Variants in LRMDA observed in about 807,000 individuals in gnomAD.
LRMDA encodes leucine rich melanocyte differentiation associated, also known as leucine-rich melanocyte differentiation-associated protein.
In LRMDA, 18 loss-of-function variants were observed where a neutral mutation model predicts 29.8. The observed-to-expected ratio is 0.60, with a 90% confidence interval of 0.42 to 0.90. LRMDA has a LOEUF of 0.90. Among genes scored for constraint, LRMDA ranks in the 40% least tolerant of loss-of-function variants. The probability of loss-of-function intolerance (pLI) is 0.00; values close to 1 mark genes in which losing one functional copy is unlikely to be tolerated. For missense variants in LRMDA, 273 were observed against 273.9 expected (o/e 1.00, Z 0.02); for synonymous variants, 125 against 109.4 (o/e 1.14, Z -0.89).
intron 2 of LRMDA, among the ~76,000 whole-genome samples, chr10:75,946,581 TG>T (rs1846480150): frequency 1.3e-5 from 2 of 152,186 alleles, no homozygotes; most frequent in Admixed American, 6.5e-5. Flanking sequence ...AGGAGTATGG[TG>T]GGGAAAATAT....
At chr10:75,526,032 T>C (rs1267321785) in intron 2 of LRMDA, among the ~76,000 whole-genome samples, 1 of 151,496 alleles carries the variant, frequency 6.6e-6, no homozygotes, top group Non-Finnish European at 1.5e-5. Context: ...TTGTTGACTT[T>C]ATATATTATT....
rs1192417224 is a variant in LRMDA at position 76,363,116 on chromosome 10, G to GGAAAGAAAGAAAGAAAGAAAGAAAGAAA, written c.601+38665_601+38692dup. Among the ~76,000 whole-genome samples, 12 of 51,520 alleles carry GGAAAGAAAGAAAGAAAGAAAGAAAGAAA rather than the reference G, an allele frequency of 2.3e-4. 1 individual carries two copies. Among genetic ancestry groups the GGAAAGAAAGAAAGAAAGAAAGAAAGAAA allele is most frequent in the African/African-American group, 6.9e-4 (11 of 15,860 alleles). The allele number at this position is 51,520 out of a possible 152,430, so 33.8% of individuals were successfully genotyped here. ...CTAGAGGTTTCAGCCTGTGGAGTAA[G>GGAAAGAAAGAAAGAAAGAAAGAAAGAAA]GAAAGAAAGAAAGAAAGAAAGAAAG... On this transcript the variant is annotated intron_variant, in intron 6 of 6. Coordinates refer to ENST00000611255, the MANE Select transcript of LRMDA (RefSeq NM_001305581.2).
intron 4 of LRMDA, among the ~76,000 whole-genome samples, chr10:76,054,702 A>T (rs376608566): frequency 1.3e-5 from 2 of 151,352 alleles, no homozygotes; most frequent in Non-Finnish European, 2.9e-5. Context: ...TATTTGAAAG[A>T]GTCTGTTGTC....
chr10:75,947,407 C>T (rs958543976), intron 2 of LRMDA, among the ~76,000 whole-genome samples: 10 of 152,176 alleles, frequency 6.6e-5, no homozygotes, highest in Admixed American at 5.9e-4. Context: ...AGTTCGCAAG[C>T]CTCACTTCAG....
chr10:75,514,266 C>G (rs1310749017), intron 2 of LRMDA, among the ~76,000 whole-genome samples: 1 of 151,254 alleles, frequency 6.6e-6, no homozygotes, highest in Non-Finnish European at 1.5e-5. Context: ...TCTCCTCATC[C>G]CCCTCCTCCT....
intron 6 of LRMDA, among the ~76,000 whole-genome samples, chr10:76,551,989 C>T (rs1383054660): frequency 6.6e-6 from 1 of 152,144 alleles, no homozygotes; most frequent in Admixed American, 6.5e-5. Context: ...ATTATAAACT[C>T]CTAGTATCAC....
intron 2 of LRMDA, among the ~76,000 whole-genome samples, chr10:75,695,247 G>T (rs1842219686): frequency 1.3e-5 from 2 of 151,960 alleles, no homozygotes; most frequent in African/African-American, 4.8e-5. Context: ...TTTTTTAAAG[G>T]ATAACATCTA....
At chr10:75,563,203 A>G (rs1840322840) in intron 2 of LRMDA, among the ~76,000 whole-genome samples, 2 of 152,030 alleles carry the variant, frequency 1.3e-5, no homozygotes, top group African/African-American at 2.4e-5. Flanking sequence ...ACATAGTCCC[A>G]TATTTCTTGG....
intron 6 of LRMDA, among the ~76,000 whole-genome samples, chr10:76,533,692 G>T (rs114904378): frequency 3.3e-5 from 5 of 152,236 alleles, no homozygotes; most frequent in African/African-American, 7.2e-5. Context: ...CAGCTATAAT[G>T]GTTCTGCAGC....
intron 5 of LRMDA, among the ~76,000 whole-genome samples, chr10:76,272,602 A>G (rs1007882122): frequency 1.3e-5 from 2 of 152,182 alleles, no homozygotes; most frequent in African/African-American, 4.8e-5. Context: ...CAGTCAAGGA[A>G]CCCTTTGTCA....
At chr10:75,636,982 C>T (rs1451968641) in intron 2 of LRMDA, among the ~76,000 whole-genome samples, 1 of 152,200 alleles carries the variant, frequency 6.6e-6, no homozygotes, top group Non-Finnish European at 1.5e-5. Flanking sequence ...TGAACACTTA[C>T]AGTATGCCAC....
chr10:76,360,537 A>G (rs1180209500), intron 6 of LRMDA, among the ~76,000 whole-genome samples: 2 of 152,216 alleles, frequency 1.3e-5, no homozygotes, highest in Non-Finnish European at 2.9e-5. Context: ...AAGGCAAAGC[A>G]CAGAAGTCAT....
At chr10:75,751,535 G>A (rs554514048) in intron 2 of LRMDA, among the ~76,000 whole-genome samples, 13 of 152,196 alleles carry the variant, frequency 8.5e-5, no homozygotes, top group Middle Eastern at 3.4e-3. Flanking sequence ...TTTGTCATCC[G>A]TAAAATGAGA....
intron 6 of LRMDA, among the ~76,000 whole-genome samples, chr10:76,348,576 A>T (rs1841137330): frequency 6.6e-6 from 1 of 152,226 alleles, no homozygotes; most frequent in South Asian, 2.1e-4. Context: ...TCTTTCCCCT[A>T]GTCCTTTCCA....
rs578258829 is a variant in LRMDA, at chr10:75,713,490, CAG to C, written c.131+274997_131+274998del. Among the ~76,000 whole-genome samples the C allele has an allele frequency of 1.5e-3, 233 of 152,212 alleles. 2 individuals are homozygous for C. The highest frequency in any genetic ancestry group is 5.5e-3 in the African/African-American group (227 of 41,532). On this transcript the variant is annotated intron_variant, in intron 2 of 6. Coordinates refer to ENST00000611255, the MANE Select transcript of LRMDA (RefSeq NM_001305581.2). ...GGTAAAGAATGCAATTTCCTGAGAC[CAG>C]TTGATTCAAAGGTCTTGAATAAGAA...
At chr10:76,536,124 T>C (rs1292251701) in intron 6 of LRMDA, 1 of 152,148 alleles carries the variant, frequency 6.6e-6, no homozygotes, top group Non-Finnish European at 1.5e-5. Context: ...ACAGACACCA[T>C]CACACTTCAT....
intron 3 of LRMDA, among the ~76,000 whole-genome samples, 193 bp from the exon 4 acceptor site, chr10:76,046,971 C>T (rs113705400): frequency 5.9e-5 from 9 of 152,264 alleles, no homozygotes; most frequent in Non-Finnish European, 8.8e-5. Context: ...ACCTGCCTAG[C>T]GAAAGTTGGG....
intron 2 of LRMDA, among the ~76,000 whole-genome samples, chr10:75,866,640 G>C (rs1845025087): frequency 6.6e-6 from 1 of 152,204 alleles, no homozygotes; most frequent in South Asian, 2.1e-4. Flanking sequence ...AACCTGATTA[G>C]AGAAAGTGCA....
chr10:75,487,329 T>C (rs142691452), intron 2 of LRMDA, among the ~76,000 whole-genome samples: 1 of 152,330 alleles, frequency 6.6e-6, no homozygotes, highest in East Asian at 1.9e-4. Flanking sequence ...AATGATGGGC[T>C]CATGTCAGAA....
Sources: allele counts gnomAD v4.1 joint callset (sites outside exome capture counted in the v4.1 genomes callset), GRCh38; gene constraint gnomAD v4.1.1; transcripts MANE v1.5; gene names NCBI Gene and HGNC (gene_info 2026-07-23, HGNC 2026-07-21).